The following STK32B variants were observed in gnomAD, a reference collection of about 807,000 sequenced individuals.
STK32B encodes serine/threonine-protein kinase 32B.
STK32B carries 43 observed loss-of-function variants against 52.6 expected under a neutral mutation model. That is an observed-to-expected ratio of 0.82 (90% CI 0.64 to 1.05). STK32B has a LOEUF of 1.05. STK32B is among the 50% of genes least tolerant of loss of function. STK32B has a pLI of 0.00. For missense variants in STK32B, 621 were observed against 534.6 expected (o/e 1.16, Z -1.59); for synonymous variants, 238 against 204.3 (o/e 1.17, Z -1.41).
At chr4:5,328,058 T>A (rs1731994162) in intron 3 of STK32B, among the ~76,000 whole-genome samples, 1 of 152,052 alleles carries the variant, frequency 6.6e-6, no homozygotes, top group African/African-American at 2.4e-5. Flanking sequence ...CTTTGCTAGC[T>A]TCCAGCTCTT....
At chr4:5,446,399 C>G (rs1311795481) in intron 6 of STK32B, among the ~76,000 whole-genome samples, 1 of 152,210 alleles carries the variant, frequency 6.6e-6, no homozygotes, top group Middle Eastern at 3.4e-3. Context: ...AACCCCATCC[C>G]TACTAAAAAT....
At position 5,399,096 on chromosome 4, in the gene STK32B, C is replaced by T. The variant is rs552333104; in HGVS notation, c.472+852C>T. Among the ~76,000 whole-genome samples the T allele has an allele frequency of 6.6e-6, 1 of 150,632 alleles. No individual in the cohort carries two copies. The highest frequency in any genetic ancestry group is 1.5e-5 in the Non-Finnish European group (1 of 66,850). ...GCTCAGATCAAGAATGCTCAGTGGA[C>T]TTGACAATCAATTGTGGCTGATGCC... is the stretch of plus-strand genomic sequence containing the variant. On this transcript the variant is annotated intron_variant, in intron 5 of 11. Transcript: ENST00000282908. The surrounding 1 kb of genome is among the most constrained non-coding windows in gnomAD (Gnocchi z 5.4).
At chr4:5,145,628 ATT>A (rs1285163157) in intron 2 of STK32B, among the ~76,000 whole-genome samples, 1 of 152,178 alleles carries the variant, frequency 6.6e-6, no homozygotes, top group African/African-American at 2.4e-5. Context: ...AATGTTTTAC[ATT>A]TTATATAAAT....
In STK32B at chr4:5,394,896, T is replaced by A. The variant is rs1381344542; in HGVS notation, c.435-3311T>A. On this transcript the variant is annotated intron_variant, in intron 4 of 11. Transcript: ENST00000282908. This position sits in a 1 kb window ranked among gnomAD's most constrained non-coding sequence, Gnocchi z 4.2. ...ACAACTTAAAATAACTCACATTTAT[T>A]TTCCCTCCATTTCCGTGGCCCAGGA... Among the ~76,000 whole-genome samples, 1 of 152,218 alleles carries A rather than the reference T, an allele frequency of 6.6e-6. No individual in the cohort carries two copies. Among genetic ancestry groups the A allele is most frequent in the Non-Finnish European group, 1.5e-5 (1 of 68,038 alleles).
intron 2 of STK32B, among the ~76,000 whole-genome samples, chr4:5,149,420 G>C (rs922619693): frequency 6.6e-6 from 1 of 151,504 alleles, no homozygotes; most frequent in Non-Finnish European, 1.5e-5. Flanking sequence ...GTTCTTTCCT[G>C]TAGTGCTGTG....
At chr4:5,455,094 C>T (rs1179392509) in intron 7 of STK32B, among the ~76,000 whole-genome samples, 1 of 152,160 alleles carries the variant, frequency 6.6e-6, no homozygotes, top group Non-Finnish European at 1.5e-5. Flanking sequence ...TCTGGGTGTG[C>T]ACATCTGAGG....
intron 3 of STK32B, among the ~76,000 whole-genome samples, chr4:5,278,399 C>T (rs1046699011): frequency 5.9e-5 from 9 of 152,022 alleles, no homozygotes; most frequent in Non-Finnish European, 2.9e-5. Context: ...CATATGTGGG[C>T]GTAGGAGATG....
intron 3 of STK32B, among the ~76,000 whole-genome samples, chr4:5,175,891 C>A (rs931746898): frequency 6.6e-6 from 1 of 152,232 alleles, no homozygotes; most frequent in Admixed American, 6.5e-5. Context: ...CTTTGCCCTG[C>A]CCCCAGAGGT....
chr4:5,263,247 T>C (rs1402404590), intron 3 of STK32B, among the ~76,000 whole-genome samples: 3 of 152,194 alleles, frequency 2.0e-5, no homozygotes, highest in Non-Finnish European at 4.4e-5. Flanking sequence ...ATAATTCTTA[T>C]GTATCATCCG....
chr4:5,466,931 A>G (rs182636413), intron 10 of STK32B, 97 bp downstream of exon 10: 191 of 1,445,986 alleles, frequency 1.3e-4, no homozygotes, highest in Middle Eastern at 2.1e-4. Context: ...GGACATTTCA[A>G]TCCTCCCTTC....
At position 5,098,605 on chromosome 4, in the gene STK32B, T is replaced by C. The variant is rs117567190; in HGVS notation, c.53-41300T>C. On this transcript the variant is annotated intron_variant, in intron 1 of 11. Transcript: ENST00000282908. Reference sequence around the variant, plus strand: ...TAGCTCCACTTTATAGGTGAGGAGATTGAGACTTCTCAAGGTGAAATCACT... The same window carrying C: ...TAGCTCCACTTTATAGGTGAGGAGACTGAGACTTCTCAAGGTGAAATCACT... Among the ~76,000 whole-genome samples, 302 of 152,356 alleles carry C rather than the reference T, an allele frequency of 2.0e-3. 11 individuals are homozygous for C. The East Asian group carries it at 0.039, about 19-fold the overall frequency.
intron 3 of STK32B, among the ~76,000 whole-genome samples, chr4:5,246,330 C>T (rs1253918744): frequency 1.3e-5 from 2 of 152,160 alleles, no homozygotes; most frequent in Non-Finnish European, 1.5e-5. Context: ...ATTTTGTCTT[C>T]CATAGCTGAT....
chr4:5,086,023 A>T (rs1712712978), intron 1 of STK32B, among the ~76,000 whole-genome samples: 1 of 152,208 alleles, frequency 6.6e-6, no homozygotes, highest in Non-Finnish European at 1.5e-5. Context: ...GTAATTGTCT[A>T]AAACATTTAC....
chr4:5,109,758 C>T (rs1410053566), intron 1 of STK32B, among the ~76,000 whole-genome samples: 1 of 152,104 alleles, frequency 6.6e-6, no homozygotes, highest in Non-Finnish European at 1.5e-5. Flanking sequence ...ACTAACAGTC[C>T]TAGCCAGAGC....
chr4:5,248,584 C>G (rs1461731257), intron 3 of STK32B, among the ~76,000 whole-genome samples: 1 of 151,942 alleles, frequency 6.6e-6, no homozygotes. Flanking sequence ...TGCTGGACTA[C>G]TATTCAGTGA....
At position 5,489,621 on chromosome 4, in the gene STK32B, A is replaced by ATTTTTTTTTTTTTTTTTTTTTTTTTTT. The variant is rs1193462359; in HGVS notation, c.1107-9318_1107-9317insTTTTTTTTTTTTTTTTTTTTTTTTTTT. On this transcript the variant is annotated intron_variant, in intron 11 of 11. Coordinates refer to ENST00000282908, the MANE Select transcript of STK32B (RefSeq NM_018401.3). ...ACAACAATTTTATTTTATTTTATTT[A>ATTTTTTTTTTTTTTTTTTTTTTTTTTT]TTTTTTATTATTTTTTTTGAGATGG... is the stretch of plus-strand genomic sequence containing the variant. Among the ~76,000 whole-genome samples, 5 of 151,700 alleles carry ATTTTTTTTTTTTTTTTTTTTTTTTTTT rather than the reference A, an allele frequency of 3.3e-5. No homozygotes were observed. The East Asian group carries it at 1.0e-3, about 30-fold the overall frequency.
the STK32B span, chr4:5,019,444 A>C: frequency 1.2e-5 from 17 of 1,465,996 alleles, no homozygotes; most frequent in Non-Finnish European, 1.3e-5. Flanking sequence ...AGGCGTCCTC[A>C]TGGTGCCAGG....
chr4:5,313,349 G>A (rs1433286740), intron 3 of STK32B, among the ~76,000 whole-genome samples: 1 of 151,908 alleles, frequency 6.6e-6, no homozygotes, highest in Non-Finnish European at 1.5e-5. Flanking sequence ...AAACATTCAT[G>A]ATAAAAACTC....
chr4:5,206,976 C>T (rs1444325089), intron 3 of STK32B, among the ~76,000 whole-genome samples: 1 of 152,196 alleles, frequency 6.6e-6, no homozygotes, highest in African/African-American at 2.4e-5. Flanking sequence ...GCTTTAGATG[C>T]TTCTGGGCTT....
Sources: gnomAD v4.1 joint callset for allele counts (sites outside exome capture counted in the v4.1 genomes callset) on GRCh38, gnomAD v4.1.1 for gene constraint, Gnocchi (gnomAD v3.1) non-coding constraint, MANE v1.5 for transcripts, NCBI Gene and HGNC (gene_info 2026-07-23, HGNC 2026-07-21) for gene names.